The following CXCR6 variants were observed in gnomAD, a reference collection of about 807,000 sequenced individuals.
CXCR6 encodes the protein C-X-C chemokine receptor type 6.
CXCR6 carries 3 observed loss-of-function variants against 1.6 expected under a neutral mutation model. That is an observed-to-expected ratio of 1.83 (90% CI 0.83 to 4.72). The LOEUF (loss-of-function observed/expected upper bound fraction) is 4.72, where lower values mean the gene tolerates loss of function less well. Ranked by LOEUF, CXCR6 falls within the 30% of genes most tolerant of loss-of-function variation. The pLI, the probability that CXCR6 is intolerant of heterozygous loss-of-function variation, is 0.02. For synonymous variants in CXCR6, 171 were observed against 159.2 expected (o/e 1.07, Z -0.56); for missense variants, 326 against 414.8 (o/e 0.79, Z 1.86).
rs1351702230 is a variant in CXCR6, at chr3:45,947,715, G to C, written c.*205G>C. The C allele has an allele frequency of 1.8e-6, 1 of 558,894 alleles. No homozygotes were observed. The highest frequency in any genetic ancestry group is 3.2e-6 in the Non-Finnish European group (1 of 309,818). The allele number at this position is 558,894 out of a possible 1,614,324, so 34.6% of individuals were successfully genotyped here. A position where few individuals can be genotyped will look rare whatever the true frequency, so the allele number is the denominator to read the frequency against. On this transcript the variant is annotated 3_prime_UTR_variant, in exon 2 of 2. Coordinates refer to ENST00000304552, the MANE Select transcript of CXCR6 (RefSeq NM_006564.2). ...ACTCATGCTGAAAGCCCAAGTAGGG[G>C]GTCTAAAATTTTTAAGGACTTTCCT...
rs769793295 is a variant in CXCR6, at chr3:45,946,918, C to G, written c.437C>G (p.Thr146Ser). The G allele has an allele frequency of 1.2e-6, 2 of 1,614,214 alleles. No homozygotes were observed. The highest frequency in any genetic ancestry group is 1.7e-6 in the Non-Finnish European group (2 of 1,180,018). ...TACAACCAGCAAGCCAAGAGGATGA[C>G]CTGGGGCAAGGTCACCAGCTTGCTC... ...KAYNQQAKRM[T>S]WGKVTSLLIW... Residue 146 changes from threonine to serine, a missense_variant, in exon 2 of 2, where the codon ACC becomes AGC. Thr to Ser is a moderately conservative substitution (Grantham distance 58). Coordinates refer to ENST00000304552, the MANE Select transcript of CXCR6 (RefSeq NM_006564.2).
intron 1 of CXCR6, chr3:45,945,053 T>C (rs1559447994): frequency 6.6e-6 from 1 of 152,146 alleles, no homozygotes; most frequent in Non-Finnish European, 1.5e-5. Flanking sequence ...AAAGGCAGCA[T>C]CCTTCCTTGC....
At position 45,947,429 on chromosome 3, in the gene CXCR6, T is replaced by A; in HGVS notation, c.948T>A (p.His316Gln). The change falls in exon 2 of 2, where the codon CAT (histidine) becomes CAA (glutamine). Residue 316 changes from histidine to glutamine, a missense_variant. By Grantham distance (24) the His-to-Gln change is conservative. Transcript: ENST00000304552. ...IGCLPYLGVS[H>Q]QWKSSEDNSK... ...GCCTCCCTTACCTTGGGGTCTCACA[T>A]CAATGGAAATCTTCTGAGGACAATT... is the stretch of plus-strand genomic sequence containing the variant. 2 of 1,614,226 alleles carry A rather than the reference T, an allele frequency of 1.2e-6. No individual in the cohort carries two copies. The highest frequency in any genetic ancestry group is 1.7e-6 in the Non-Finnish European group (2 of 1,180,030).
rs766548183 is a variant in CXCR6 at position 45,946,684 on chromosome 3, T to G, written c.203T>G (p.Val68Gly). 6.2e-7 allele frequency: 1 copy of G among 1,614,256 alleles called. No homozygotes were observed. Among genetic ancestry groups the G allele is most frequent in the Middle Eastern group, 1.6e-4 (1 of 6,062 alleles). ...CATAAGTTGCAGAGCCTGACGGATG[T>G]GTTCCTGGTGAACCTACCCCTGGCT... ...FYHKLQSLTD[V>G]FLVNLPLADL... The change falls in exon 2 of 2, where the codon GTG (valine) becomes GGG (glycine). Residue 68 changes from valine (V) to glycine (G), a missense_variant. Physicochemically the swap from Val to Gly is moderately radical, Grantham distance 109. Coordinates refer to ENST00000304552, the MANE Select transcript of CXCR6 (RefSeq NM_006564.2).
upstream of CXCR6, among the ~76,000 whole-genome samples, chr3:45,942,233 A>T (rs1026059866): frequency 9.9e-5 from 15 of 152,254 alleles, no homozygotes; most frequent in African/African-American, 3.6e-4. Flanking sequence ...GTCCTGGGTG[A>T]CTGCCAGGGA....
At chr3:45,941,416 A>G (rs1180310140), upstream of CXCR6, 1 of 152,204 alleles carries the variant, frequency 6.6e-6, no homozygotes, top group East Asian at 1.9e-4. Flanking sequence ...TTTCTGGGGA[A>G]ATCTAAGACA....
In CXCR6 at chr3:45,947,839, G is replaced by A; in HGVS notation, c.*329G>A. ...GGGACTGGGGCTGAAGGTTGAAGAG[G>A]TGAGCACGGCCAACAAAGCTGTTGA... is the stretch of plus-strand genomic sequence containing the variant. On this transcript the variant is annotated 3_prime_UTR_variant, in exon 2 of 2. Coordinates refer to ENST00000304552, the MANE Select transcript of CXCR6 (RefSeq NM_006564.2). The A allele has an allele frequency of 3.4e-6, 1 of 297,096 alleles. No homozygotes were observed. The highest frequency in any genetic ancestry group is 6.7e-6 in the Non-Finnish European group (1 of 149,526). The allele number at this position is 297,096 out of a possible 1,614,324, so 18.4% of individuals were successfully genotyped here.
chr3:45,941,674 A>T (rs1704234797), upstream of CXCR6, among the ~76,000 whole-genome samples: 1 of 152,232 alleles, frequency 6.6e-6, no homozygotes, highest in Admixed American at 6.5e-5. Context: ...TCTCAAATAC[A>T]CATATCCCCA....
At position 45,947,333 on chromosome 3, in the gene CXCR6, C is replaced by T. The variant is rs1224644128; in HGVS notation, c.852C>T (p.Asn284=). The T allele has an allele frequency of 6.2e-7, 1 of 1,614,228 alleles. No individual in the cohort carries two copies. The highest frequency in any genetic ancestry group is 2.2e-5 in the East Asian group (1 of 44,888). ...EAIAYLRACL[N]PVLYAFVSLK... ...TCGCATACCTGAGGGCCTGCCTTAA[C>T]CCTGTGCTCTATGCCTTTGTCAGCC... The change falls in exon 2 of 2, where the codon AAC becomes AAT. Residue 284 remains asparagine, a synonymous_variant. Coordinates refer to ENST00000304552, the MANE Select transcript of CXCR6 (RefSeq NM_006564.2).
At chr3:45,945,304 TC>T (rs915769541) in intron 1 of CXCR6, 3 of 152,254 alleles carry the variant, frequency 2.0e-5, no homozygotes, top group African/African-American at 7.2e-5. Flanking sequence ...CAGACATGGC[TC>T]CAGGTCACTG....
Position 45,944,600 on chromosome 3 carries a change from G to A in CXCR6, c.-22+1060G>A, listed in dbSNP as rs1481153346. Among the ~76,000 whole-genome samples the A allele has an allele frequency of 1.2e-4, 18 of 152,070 alleles. 1 individual carries two copies. Among genetic ancestry groups the A allele is most frequent in the Admixed American group, 4.6e-4 (7 of 15,262 alleles). ...ATAAAGAAATGAATGTTTTTAGTTC[G>A]CCTAGAAGGGAAAGTAATTTTTCAT... On this transcript the variant is annotated intron_variant, in intron 1 of 1. Transcript: ENST00000304552.
chr3:45,944,789 C>G (rs773230537), intron 1 of CXCR6, among the ~76,000 whole-genome samples: 1 of 152,078 alleles, frequency 6.6e-6, no homozygotes, highest in Non-Finnish European at 1.5e-5. Context: ...CAAAAAAAGG[C>G]GAGAGCGAGT....
chr3:45,945,377 T>C (rs1704518886), intron 1 of CXCR6: 1 of 152,272 alleles, frequency 6.6e-6, no homozygotes, highest in African/African-American at 2.4e-5. Flanking sequence ...TTGGCACTCA[T>C]GGGCTGATGT....
chr3:45,945,211 T>G (rs557703664), intron 1 of CXCR6: 6 of 152,258 alleles, frequency 3.9e-5, no homozygotes, highest in Non-Finnish European at 8.8e-5. Flanking sequence ...TGCACTTGTC[T>G]GGTCAGGCAA....
upstream of CXCR6, among the ~76,000 whole-genome samples, chr3:45,942,859 G>A (rs1249591451): frequency 6.6e-6 from 1 of 152,210 alleles, no homozygotes; most frequent in Non-Finnish European, 1.5e-5. Flanking sequence ...GTGGGCTTAG[G>A]AGGTGGGGCT....
Sources: gnomAD v4.1 joint callset for allele counts (sites outside exome capture counted in the v4.1 genomes callset) on GRCh38, gnomAD v4.1.1 for gene constraint, MANE v1.5 for transcripts, NCBI Gene and HGNC (gene_info 2026-07-23, HGNC 2026-07-21) for gene names.